The following BMP8A variants were observed in gnomAD, a reference collection of about 807,000 sequenced individuals.
The protein encoded by BMP8A is BMP-8A.
A neutral mutation model predicts 36.8 loss-of-function variants in BMP8A; 14 were observed. The ratio of observed to expected loss-of-function variants is 0.38; its 90% CI spans 0.25 to 0.60. The LOEUF (loss-of-function observed/expected upper bound fraction) is 0.60. BMP8A is among the 20% of genes least tolerant of loss of function. The pLI, the probability that BMP8A is intolerant of heterozygous loss-of-function variation, is 0.63. For synonymous variants in BMP8A, 120 were observed against 237.7 expected (o/e 0.50, Z 4.55); for missense variants, 267 against 551.1 (o/e 0.48, Z 5.16).
At chr1:39,504,176 A>G (rs1311936739) in intron 1 of BMP8A, among the ~76,000 whole-genome samples, 1 of 152,030 alleles carries the variant, frequency 6.6e-6, no homozygotes, top group East Asian at 1.9e-4. Flanking sequence ...ATTTCTCGAA[A>G]GGTGGAGATG....
At chr1:39,515,153 C>T (rs1427810870) in intron 3 of BMP8A, 2 of 1,551,992 alleles carry the variant, frequency 1.3e-6, no homozygotes, top group African/African-American at 1.4e-5. Flanking sequence ...GCTTCGGGCT[C>T]TGCGGGATCC....
chr1:39,504,594 C>T (rs963554716), intron 1 of BMP8A, among the ~76,000 whole-genome samples: 14 of 151,954 alleles, frequency 9.2e-5, no homozygotes, highest in African/African-American at 2.2e-4. Flanking sequence ...CCACATTGGG[C>T]GTCAGATGAA....
At chr1:39,511,049 C>G in intron 1 of BMP8A, 125 bp from the exon 2 acceptor site, 1 of 1,431,800 alleles carries the variant, frequency 7.0e-7, no homozygotes, top group South Asian at 1.3e-5. Context: ...CGGCCCCACC[C>G]AGGCCTCCCT....
At chr1:39,514,536 G>C (rs1297775521) in intron 3 of BMP8A, among the ~76,000 whole-genome samples, 3 of 150,886 alleles carry the variant, frequency 2.0e-5, no homozygotes, top group Non-Finnish European at 4.4e-5. Context: ...GCCCAGTGAA[G>C]GTGTTCATGA....
intron 3 of BMP8A, among the ~76,000 whole-genome samples, chr1:39,516,837 A>G (rs1444168556): frequency 6.6e-6 from 1 of 152,036 alleles, no homozygotes; most frequent in African/African-American, 2.4e-5. Flanking sequence ...TGAAATGGAG[A>G]TAAAAACTGA....
chr1:39,500,384 A>G (rs1411961843), intron 1 of BMP8A, among the ~76,000 whole-genome samples: 1 of 152,220 alleles, frequency 6.6e-6, no homozygotes, highest in East Asian at 1.9e-4. Flanking sequence ...GGGGAGGGGA[A>G]GGGAGTGCTG....
rs377409526 is a variant in BMP8A at position 39,528,280 on chromosome 1, G to C, written c.*2482G>C. ...CACCAAATGACATCACATACAGAAG[G>C]CCTCAGAAAGGGAGGAGGTCGTAAG... On this transcript the variant is annotated 3_prime_UTR_variant, in exon 7 of 7. Coordinates refer to ENST00000331593, the MANE Select transcript of BMP8A (RefSeq NM_181809.4). Among the ~76,000 whole-genome samples, 2 of 152,200 alleles carry C rather than the reference G, an allele frequency of 1.3e-5. No individual in the cohort carries two copies. Among genetic ancestry groups the C allele is most frequent in the Admixed American group, 6.5e-5 (1 of 15,282 alleles).
rs1404310088 is a variant in BMP8A, at chr1:39,522,428, G to T, written c.894G>T (p.Arg298=). The part of the protein sequence containing the change: ...IFDDVRGSHG[R]QVCRRHELYV... ...ATGACGTCCGCGGCTCCCACGGCCG[G>T]CAGGTCTGCCGTCGGCACGAGCTCT... is the stretch of plus-strand genomic sequence containing the variant. Residue 298 remains arginine, a synonymous_variant, in exon 5 of 7, where the codon CGG becomes CGT. Transcript: ENST00000331593. 6 of 1,611,586 alleles carry T rather than the reference G, an allele frequency of 3.7e-6. No individual in the cohort carries two copies. The highest frequency in any genetic ancestry group is 5.1e-6 in the Non-Finnish European group (6 of 1,179,084).
chr1:39,527,742 G>A lies in BMP8A; in HGVS notation c.*1944G>A, dbSNP rs527560761. On this transcript the variant is annotated 3_prime_UTR_variant, in exon 7 of 7. Coordinates refer to ENST00000331593, the MANE Select transcript of BMP8A (RefSeq NM_181809.4). ...GATTGGAAGAGGCAATGGCCTGAGT[G>A]TTAGGAGACAGGTATTCTGGTTCCA... 1.7e-4 allele frequency among the ~76,000 whole-genome samples: 26 copies of A among 152,366 alleles called. No individual in the cohort carries two copies. The highest frequency in any genetic ancestry group is 5.8e-4 in the African/African-American group (24 of 41,584).
chr1:39,495,860 A>G (rs1360290512), intron 1 of BMP8A, among the ~76,000 whole-genome samples: 2 of 152,176 alleles, frequency 1.3e-5, no homozygotes, highest in African/African-American at 2.4e-5. Flanking sequence ...TGAGAAACTG[A>G]GGCATAAGCA....
chr1:39,492,670 C>G lies in BMP8A; in HGVS notation c.334+345C>G, dbSNP rs562393933. ...GGGGAGACAGGTGAGTAAACAGAGG[C>G]CGGGATGCTGTCACTGTGATAAGGA... On this transcript the variant is annotated intron_variant, in intron 1 of 6. Transcript: ENST00000331593. Among the ~76,000 whole-genome samples, 3 of 152,300 alleles carry G rather than the reference C, an allele frequency of 2.0e-5. No homozygotes were observed. In the East Asian group the frequency reaches 5.8e-4, roughly 29 times the overall value.
chr1:39,524,529 A>G lies in BMP8A; in HGVS notation c.1060-1120A>G, dbSNP rs755809531. On this transcript the variant is annotated intron_variant, in intron 6 of 6. Transcript: ENST00000331593. The surrounding 1 kb of genome is among the most constrained non-coding windows in gnomAD (Gnocchi z 4.0). ...CAGAAGGAGCAAGTGCAAGGCCCTA[A>G]GACAGGAGCAGGCTGGCCCTAAGTT... 6.6e-6 allele frequency among the ~76,000 whole-genome samples: 1 copy of G among 152,158 alleles called. No individual in the cohort carries two copies. The highest frequency in any genetic ancestry group is 1.5e-5 in the Non-Finnish European group (1 of 68,016).
chr1:39,510,857 A>G (rs1420539417), intron 1 of BMP8A, among the ~76,000 whole-genome samples: 1 of 152,028 alleles, frequency 6.6e-6, no homozygotes, highest in Non-Finnish European at 1.5e-5. Context: ...CTCCTGTCTC[A>G]TCTCTGGGTC....
In BMP8A at chr1:39,526,209, A is replaced by AACACAAGAC. The variant is rs1645481902; in HGVS notation, c.*411_*412insACACAAGAC. ...CCTCTTCCCAGGTACAACACTGGCC[A>AACACAAGAC]TTTCTGGGCAAAATTGGACACGCTT... On this transcript the variant is annotated 3_prime_UTR_variant, in exon 7 of 7. Transcript: ENST00000331593. Among the ~76,000 whole-genome samples the AACACAAGAC allele has an allele frequency of 6.6e-6, 1 of 152,084 alleles. No homozygotes were observed. Among genetic ancestry groups the AACACAAGAC allele is most frequent in the African/African-American group, 2.4e-5 (1 of 41,396 alleles).
intron 1 of BMP8A, among the ~76,000 whole-genome samples, chr1:39,496,121 C>T (rs1645203198): frequency 6.6e-6 from 1 of 152,198 alleles, no homozygotes; most frequent in Non-Finnish European, 1.5e-5. Flanking sequence ...GGCCCCAGGG[C>T]CACTTCCTTT....
intron 1 of BMP8A, among the ~76,000 whole-genome samples, chr1:39,492,928 G>A (rs1419356795): frequency 6.6e-6 from 1 of 152,186 alleles, no homozygotes; most frequent in Non-Finnish European, 1.5e-5. Flanking sequence ...CTGGTATAGG[G>A]TGAGTGTCCG....
intron 1 of BMP8A, among the ~76,000 whole-genome samples, chr1:39,495,080 A>G (rs76955577): frequency 1.3e-5 from 2 of 152,222 alleles, no homozygotes; most frequent in East Asian, 3.9e-4. Context: ...GAGGCCCCTG[A>G]AGGTTGGTGG....
chr1:39,523,507 GA>G (rs1164787322), intron 6 of BMP8A: 23 of 1,353,012 alleles, frequency 1.7e-5, no homozygotes, highest in Non-Finnish European at 2.0e-5. Context: ...TGGCAAGTCT[GA>G]CCGCCTGTGA....
rs1358469589 is a variant in BMP8A at position 39,527,986 on chromosome 1, A to AAT, written c.*2189_*2190insTA. Among the ~76,000 whole-genome samples, 1 of 152,184 alleles carries AAT rather than the reference A, an allele frequency of 6.6e-6. No individual in the cohort carries two copies. The highest frequency in any genetic ancestry group is 2.4e-5 in the African/African-American group (1 of 41,444). Reference sequence around the variant, plus strand: ...TATCTGCCATTGCAGGACCTGATTTAACAGCTCTCTTCTTCCAATACTGGG... The same window carrying AAT: ...TATCTGCCATTGCAGGACCTGATTTAATACAGCTCTCTTCTTCCAATACTGGG... On this transcript the variant is annotated 3_prime_UTR_variant, in exon 7 of 7. Transcript: ENST00000331593.
Sources: allele counts gnomAD v4.1 joint callset (sites outside exome capture counted in the v4.1 genomes callset), GRCh38; gene constraint gnomAD v4.1.1; non-coding constraint Gnocchi (gnomAD v3.1); transcripts MANE v1.5; gene names NCBI Gene and HGNC (gene_info 2026-07-23, HGNC 2026-07-21).